PLEKHH2: variants seen among roughly 807,000 people sequenced by gnomAD.
PLEKHH2 encodes the protein pleckstrin homology, MyTH4 and FERM domain containing H2.
In PLEKHH2, 129 loss-of-function variants were observed where a neutral mutation model predicts 187.9. The ratio of observed to expected loss-of-function variants is 0.69; its 90% CI spans 0.59 to 0.79. The LOEUF (loss-of-function observed/expected upper bound fraction) is 0.79, where lower values mean the gene tolerates loss of function less well. PLEKHH2 is among the 30% of genes least tolerant of loss of function. PLEKHH2 has a pLI of 0.00. For synonymous variants in PLEKHH2, 686 were observed against 605.6 expected (o/e 1.13, Z -1.95); for missense variants, 2,076 against 1,751.2 (o/e 1.19, Z -3.31).
At chr2:43,746,570 T>C (rs1362288341) in intron 24 of PLEKHH2, among the ~76,000 whole-genome samples, 1 of 151,724 alleles carries the variant, frequency 6.6e-6, no homozygotes, top group Admixed American at 6.6e-5. Context: ...TCAGAAAAAC[T>C]ACAGAAAAAA....
At chr2:43,677,111 T>C (rs1667849814) in intron 2 of PLEKHH2, among the ~76,000 whole-genome samples, 1 of 152,244 alleles carries the variant, frequency 6.6e-6, no homozygotes, top group African/African-American at 2.4e-5. Flanking sequence ...GATCAACTTT[T>C]AAATATGCAA....
intron 2 of PLEKHH2, among the ~76,000 whole-genome samples, chr2:43,649,907 T>C (rs1184688590): frequency 2.0e-5 from 3 of 152,284 alleles, no homozygotes; most frequent in Non-Finnish European, 2.9e-5. Context: ...TTTATTTGTA[T>C]ACAATCCCTT....
intron 2 of PLEKHH2, among the ~76,000 whole-genome samples, chr2:43,646,515 A>T (rs1284442511): frequency 6.6e-6 from 1 of 152,200 alleles, no homozygotes; most frequent in Admixed American, 6.5e-5. Context: ...CTTATGGACT[A>T]AATAGAAGAT....
intron 4 of PLEKHH2, 118 bp from the exon 5 acceptor site, chr2:43,694,313 G>C: frequency 1.7e-6 from 2 of 1,177,350 alleles, no homozygotes; most frequent in South Asian, 1.6e-5. Context: ...TAATTTGAAA[G>C]CAGATATAGT....
chr2:43,751,696 C>T (rs1410135376), intron 24 of PLEKHH2, among the ~76,000 whole-genome samples: 1 of 152,160 alleles, frequency 6.6e-6, no homozygotes, highest in Admixed American at 6.5e-5. Flanking sequence ...CTGCAGGCCT[C>T]TTTAGGATTT....
At chr2:43,681,461 C>G in intron 3 of PLEKHH2, 1 of 1,545,422 alleles carries the variant, frequency 6.5e-7, no homozygotes, top group Non-Finnish European at 8.7e-7. Context: ...CTTCCTCTTC[C>G]TCTCCTTTTC....
chr2:43,644,201 C>T (rs1448881611), intron 1 of PLEKHH2, among the ~76,000 whole-genome samples: 1 of 152,020 alleles, frequency 6.6e-6, no homozygotes, highest in Non-Finnish European at 1.5e-5. Context: ...TGTAATACTT[C>T]CTTAAATTTC....
chr2:43,709,485 G>A (rs952078093), intron 11 of PLEKHH2, among the ~76,000 whole-genome samples: 1 of 152,144 alleles, frequency 6.6e-6, no homozygotes, highest in African/African-American at 2.4e-5. Flanking sequence ...AAATAGCTGT[G>A]TGATTGTAAT....
At chr2:43,728,427 G>A (rs1435245868) in intron 17 of PLEKHH2, among the ~76,000 whole-genome samples, 3 of 141,662 alleles carry the variant, frequency 2.1e-5, no homozygotes, top group South Asian at 2.3e-4. Context: ...GCAGTGAATC[G>A]AGATCGCGCC....
intron 16 of PLEKHH2, among the ~76,000 whole-genome samples, chr2:43,725,084 G>T (rs1036642396): frequency 2.0e-5 from 3 of 152,224 alleles, no homozygotes; most frequent in African/African-American, 4.8e-5. Context: ...AAATGGGCTA[G>T]CGAGGAGGGA....
Position 43,726,259 on chromosome 2 carries a change from A to C in PLEKHH2, c.2542-13A>C, listed in dbSNP as rs1670739078. 1 of 1,569,324 alleles carries C rather than the reference A, an allele frequency of 6.4e-7. No homozygotes were observed. Among genetic ancestry groups the C allele is most frequent in the African/African-American group, 1.4e-5 (1 of 73,572 alleles). ...GAAAATGCCTTCCTCACAATTACTA[A>C]TATTTACTTTAGTTTCCTTTAGGTC... is the stretch of plus-strand genomic sequence containing the variant. On this transcript the variant is annotated splice_polypyrimidine_tract_variant and intron_variant, in intron 16 of 29. Coordinates refer to ENST00000282406, the MANE Select transcript of PLEKHH2 (RefSeq NM_172069.4).
At chr2:43,682,067 C>G (rs561896614) in intron 3 of PLEKHH2, among the ~76,000 whole-genome samples, 1 of 152,126 alleles carries the variant, frequency 6.6e-6, no homozygotes, top group Non-Finnish European at 1.5e-5. Context: ...CCCTGCCCCC[C>G]TCACACTGGA....
At chr2:43,696,488 A>AG (rs558971273) in intron 6 of PLEKHH2, among the ~76,000 whole-genome samples, 2 of 45,132 alleles carry the variant, frequency 4.4e-5, no homozygotes, top group Non-Finnish European at 1.3e-4. Context: ...ACCCTGTCTC[A>AG]AAAAAAAAAA....
At chr2:43,654,117 A>C (rs1666622546) in intron 2 of PLEKHH2, among the ~76,000 whole-genome samples, 1 of 152,250 alleles carries the variant, frequency 6.6e-6, no homozygotes, top group Non-Finnish European at 1.5e-5. Flanking sequence ...ACATGAAGGC[A>C]AATATTAAAA....
At chr2:43,642,251 T>C (rs961432908) in intron 1 of PLEKHH2, among the ~76,000 whole-genome samples, 2 of 152,220 alleles carry the variant, frequency 1.3e-5, no homozygotes, top group Admixed American at 6.5e-5. Flanking sequence ...AATGGAATAT[T>C]TTCTTATTTT....
intron 10 of PLEKHH2, among the ~76,000 whole-genome samples, 196 bp downstream of exon 10, chr2:43,706,612 T>A (rs1387973820): frequency 6.6e-6 from 1 of 152,208 alleles, no homozygotes; most frequent in Non-Finnish European, 1.5e-5. Context: ...ATCAGAATGT[T>A]AGAGGTCTGA....
In PLEKHH2 at chr2:43,706,433, A is replaced by AG. The variant is rs1166868160; in HGVS notation, c.1821+17_1821+18insG. The AG allele has an allele frequency of 1.3e-6, 2 of 1,500,174 alleles. No individual in the cohort carries two copies. Among genetic ancestry groups the AG allele is most frequent in the East Asian group, 4.5e-5 (2 of 44,256 alleles). 92.9% of individuals were successfully genotyped at this position (1,500,174 alleles called of 1,614,324 possible). On this transcript the variant is annotated intron_variant, in intron 10 of 29. Transcript: ENST00000282406. ...TTGAAGGGGGTAACTCATTATTGTT[A>AG]TTGTTAAAACATGTGCTTCTCTTCA... is the stretch of plus-strand genomic sequence containing the variant.
intron 10 of PLEKHH2, among the ~76,000 whole-genome samples, chr2:43,707,196 CAAA>C (rs60819579): frequency 4.5e-5 from 4 of 88,178 alleles, no homozygotes; most frequent in African/African-American, 9.3e-5. Context: ...GACTCCACCT[CAAA>C]AAAAAAAAAA....
intron 1 of PLEKHH2, among the ~76,000 whole-genome samples, chr2:43,637,620 C>A (rs1273613158): frequency 6.6e-6 from 1 of 152,132 alleles, no homozygotes; most frequent in African/African-American, 2.4e-5. Context: ...GGGCAGGGGG[C>A]GGTGGCCGGC....
Sources: allele counts gnomAD v4.1 joint callset (sites outside exome capture counted in the v4.1 genomes callset), GRCh38; gene constraint gnomAD v4.1.1; transcripts MANE v1.5; gene names NCBI Gene and HGNC (gene_info 2026-07-23, HGNC 2026-07-21).